MED13: variants seen among roughly 807,000 people sequenced by gnomAD.
The protein encoded by MED13 is mediator of RNA polymerase II transcription subunit 13.
Under a neutral mutation model 225.2 loss-of-function variants are expected in MED13, and 23 were observed. That is an observed-to-expected ratio of 0.10 (90% CI 0.07 to 0.14). MED13 has a LOEUF of 0.14. Among genes scored for constraint, MED13 ranks in the 10% least tolerant of loss-of-function variants. MED13 has a pLI of 1.00. For synonymous variants in MED13, 942 were observed against 889.2 expected, an observed-to-expected ratio of 1.06 and a Z score of -1.06; for missense variants, 2,197 against 2,594.5, an observed-to-expected ratio of 0.85 and a Z score of 3.33.
At chr17:62,034,290 G>C (rs546537309) in intron 4 of MED13, among the ~76,000 whole-genome samples, 1 of 152,034 alleles carries the variant, frequency 6.6e-6, no homozygotes, top group East Asian at 1.9e-4. Context: ...TTCAAGACCA[G>C]CCTGGTCAAC....
intron 17 of MED13, among the ~76,000 whole-genome samples, chr17:61,969,863 A>G (rs1372541472): frequency 6.6e-6 from 1 of 152,110 alleles, no homozygotes; most frequent in East Asian, 1.9e-4. Context: ...CGGCCTCCCA[A>G]AGTGCTGGGA....
chr17:62,016,084 A>G (rs1414233361), intron 8 of MED13, among the ~76,000 whole-genome samples: 2 of 142,664 alleles, frequency 1.4e-5, no homozygotes, highest in Non-Finnish European at 3.0e-5. Flanking sequence ...GATTACAGGC[A>G]TGAGCCACTC....
intron 23 of MED13, among the ~76,000 whole-genome samples, chr17:61,960,119 GTC>G (rs1412568631): frequency 6.6e-6 from 1 of 152,102 alleles, no homozygotes; most frequent in Admixed American, 6.6e-5. Context: ...CATGTTTCAA[GTC>G]TCTACTAAAG....
chr17:61,996,511 CTT>C, intron 9 of MED13, among the ~76,000 whole-genome samples: 1 of 152,266 alleles, frequency 6.6e-6, no homozygotes. Flanking sequence ...CTAGTCCTCT[CTT>C]ATACTGCTTC....
intron 3 of MED13, among the ~76,000 whole-genome samples, chr17:62,044,709 C>A (rs1447964080): frequency 6.6e-6 from 1 of 152,196 alleles, no homozygotes; most frequent in Non-Finnish European, 1.5e-5. Flanking sequence ...GTCACCCAGG[C>A]TGGAGTGCAG....
In MED13 at chr17:62,065,199, C is replaced by T; in HGVS notation, c.7G>A (p.Ala3Thr). 6.4e-7 allele frequency: 1 copy of T among 1,567,840 alleles called. No homozygotes were observed. The highest frequency in any genetic ancestry group is 1.4e-5 in the African/African-American group (1 of 72,004). Reference protein sequence around the residue: MSASFVPNGASLE... With the variant: MSTSFVPNGASLE... ...CTGGCCCCGTTCGGCACGAAGGAGG[C>T]ACTCATCGTCCCTCACAGCAGCCGC... The change falls in exon 1 of 30, where the codon GCC (alanine) becomes ACC (threonine). Residue 3 changes from alanine (A) to threonine (T), a missense_variant. Physicochemically the swap from Ala to Thr is moderately conservative, Grantham distance 58. Transcript: ENST00000397786.
At chr17:62,064,376 A>C (rs1568011601) in intron 1 of MED13, among the ~76,000 whole-genome samples, 2 of 152,180 alleles carry the variant, frequency 1.3e-5, no homozygotes, top group Non-Finnish European at 2.9e-5. Flanking sequence ...TCGACTTTCC[A>C]TTTCAATCAA....
chr17:62,048,056 A>G (rs149354146), intron 3 of MED13, among the ~76,000 whole-genome samples: 3,412 of 145,120 alleles, frequency 0.024, 59 homozygotes, highest in Middle Eastern at 0.089. Context: ...ATATATATAT[A>G]TATATATGTA....
At chr17:61,992,700 T>C (rs534853610) in intron 10 of MED13, 79 bp from the exon 11 acceptor site, 16 of 948,348 alleles carry the variant, frequency 1.7e-5, no homozygotes, top group Middle Eastern at 2.3e-4. Flanking sequence ...AGGAGCTGTG[T>C]GTCAGGCATC....
chr17:61,962,263 C>G (rs920987127), intron 21 of MED13, among the ~76,000 whole-genome samples: 1 of 151,806 alleles, frequency 6.6e-6, no homozygotes, highest in Non-Finnish European at 1.5e-5. Flanking sequence ...TCCAGTCTGG[C>G]GACAGAGCGA....
chr17:62,000,838 C>G (rs1256240936), intron 9 of MED13, among the ~76,000 whole-genome samples: 1 of 152,180 alleles, frequency 6.6e-6, no homozygotes, highest in African/African-American at 2.4e-5. Flanking sequence ...TCTTGGCTCA[C>G]TGCAACCTCT....
chr17:62,011,337 C>A, intron 8 of MED13, 104 bp from the exon 9 acceptor site: 1 of 942,054 alleles, frequency 1.1e-6, no homozygotes, highest in Non-Finnish European at 1.5e-6. Flanking sequence ...TTCTTTTTCA[C>A]ATGTAATACT....
intron 23 of MED13, among the ~76,000 whole-genome samples, chr17:61,956,854 T>A (rs549772538): frequency 6.6e-6 from 1 of 152,168 alleles, no homozygotes; most frequent in East Asian, 1.9e-4. Context: ...TTAAGAGAGC[T>A]CAAATTTGTG....
intron 3 of MED13, among the ~76,000 whole-genome samples, chr17:62,051,903 C>T (rs1270562628): frequency 2.0e-5 from 3 of 152,114 alleles, no homozygotes; most frequent in East Asian, 1.9e-4. Context: ...ATCTAAATCA[C>T]GGAGAAGCGA....
At position 61,995,477 on chromosome 17, in the gene MED13, A is replaced by C. The variant is rs534165378; in HGVS notation, c.1968-112T>G. 24 of 653,642 alleles carry C rather than the reference A, an allele frequency of 3.7e-5. No homozygotes were observed. The South Asian group carries it at 6.3e-4, about 17-fold the overall frequency. The allele number at this position is 653,642 out of a possible 1,614,324, so 40.5% of individuals were successfully genotyped here. ...ATTACTTAAAGATTATCTAACCTAC[A>C]ATCCCTTATTTCAGAAATGAGGAGG... is the stretch of plus-strand genomic sequence containing the variant. On this transcript the variant is annotated intron_variant, in intron 9 of 29. Coordinates refer to ENST00000397786, the MANE Select transcript of MED13 (RefSeq NM_005121.3).
chr17:62,034,233 C>T (rs1015102672), intron 4 of MED13, among the ~76,000 whole-genome samples: 1 of 152,046 alleles, frequency 6.6e-6, no homozygotes, highest in African/African-American at 2.4e-5. Flanking sequence ...GCCTGTAATC[C>T]CAGCATTTTG....
At position 62,030,209 on chromosome 17, in the gene MED13, T is replaced by A. The variant is rs2080741643; in HGVS notation, c.1010-196A>T. The A allele has an allele frequency of 1.0e-5, 5 of 501,368 alleles. No individual in the cohort carries two copies. In the South Asian group the frequency reaches 1.9e-4, roughly 19 times the overall value. 31.1% of individuals were successfully genotyped at this position (501,368 alleles called of 1,614,324 possible). A position where few individuals can be genotyped will look rare whatever the true frequency, so the allele number is the denominator to read the frequency against. ...AATGTGGCAATCAAGTACATCTCTGTAACCTACCACTCTCAGTACCAAGAG... is the reference window on the plus strand; with the variant it reads ...AATGTGGCAATCAAGTACATCTCTGAAACCTACCACTCTCAGTACCAAGAG... On this transcript the variant is annotated intron_variant, in intron 6 of 29. Coordinates refer to ENST00000397786, the MANE Select transcript of MED13 (RefSeq NM_005121.3).
chr17:61,978,151 CT>C lies in MED13; in HGVS notation c.3805+4046del, dbSNP rs201754153. ...GTTCTTACTATGTGCCAAAAACTGC[CT>C]TTTTTTTTTTTTCTTCAGACCGAGT... On this transcript the variant is annotated intron_variant, in intron 16 of 29. Transcript: ENST00000397786. Among the ~76,000 whole-genome samples, 951 of 144,832 alleles carry C rather than the reference CT, an allele frequency of 6.6e-3. 8 individuals carry two copies. Among genetic ancestry groups the C allele is most frequent in the African/African-American group, 0.021 (832 of 39,826 alleles).
chr17:62,017,630 A>G (rs1007432942), intron 8 of MED13, among the ~76,000 whole-genome samples: 10 of 152,214 alleles, frequency 6.6e-5, no homozygotes, highest in African/African-American at 2.2e-4. Context: ...CAAAACTTCT[A>G]GCAACTGAAC....
Sources: allele counts gnomAD v4.1 joint callset (sites outside exome capture counted in the v4.1 genomes callset), GRCh38; gene constraint gnomAD v4.1.1; transcripts MANE v1.5; gene names NCBI Gene and HGNC (gene_info 2026-07-23, HGNC 2026-07-21).